The following CD207 variants were observed in gnomAD, a reference collection of about 807,000 sequenced individuals.
The protein encoded by CD207 is C-type lectin domain family 4 member K.
A neutral mutation model predicts 31.6 loss-of-function variants in CD207; 28 were observed. The ratio of observed to expected loss-of-function variants is 0.89; its 90% CI spans 0.66 to 1.21. The LOEUF (loss-of-function observed/expected upper bound fraction) is 1.21, where lower values mean the gene tolerates loss of function less well. Ranked by LOEUF, CD207 falls within the 50% of genes most tolerant of loss-of-function variation. The probability of loss-of-function intolerance (pLI) is 0.00; values close to 1 mark genes in which losing one functional copy is unlikely to be tolerated. For missense variants in CD207, 388 were observed against 397.8 expected (o/e 0.98, Z 0.21); for synonymous variants, 168 against 153.9 (o/e 1.09, Z -0.68).
At position 70,830,795 on chromosome 2, in the gene CD207, G is replaced by C. The variant is rs1035039508; in HGVS notation, c.*255C>G. 1 of 417,954 alleles carries C rather than the reference G, an allele frequency of 2.4e-6. No homozygotes were observed. Among genetic ancestry groups the C allele is most frequent in the African/African-American group, 2.0e-5 (1 of 50,250 alleles). 25.9% of individuals were successfully genotyped at this position (417,954 alleles called of 1,614,324 possible). ...TACGGGTCTTGATCCTCCTTAGCAGGGCAATTGGAACTTCTAAATCCTCTC... is the reference window on the plus strand; with the variant it reads ...TACGGGTCTTGATCCTCCTTAGCAGCGCAATTGGAACTTCTAAATCCTCTC... On this transcript the variant is annotated 3_prime_UTR_variant, in exon 6 of 6. Transcript: ENST00000410009.
chr2:70,831,529 C>T (rs1173146857), intron 5 of CD207, among the ~76,000 whole-genome samples, 172 bp downstream of exon 5: 3 of 152,320 alleles, frequency 2.0e-5, no homozygotes, highest in Middle Eastern at 3.4e-3. Context: ...GGCTCAGGTC[C>T]ACAGCCAGTT....
intron 2 of CD207, among the ~76,000 whole-genome samples, chr2:70,834,496 C>A (rs1207914798): frequency 6.6e-6 from 1 of 152,126 alleles, no homozygotes. Flanking sequence ...TGTCCATGGG[C>A]CCCTCTGTGA....
chr2:70,825,679 C>T (rs1472364103), downstream of CD207, among the ~76,000 whole-genome samples: 5 of 151,966 alleles, frequency 3.3e-5, no homozygotes, highest in Admixed American at 1.3e-4. Flanking sequence ...GCTGGGACTA[C>T]AGGCACACGC....
At chr2:70,826,877 A>G (rs1472439562), downstream of CD207, among the ~76,000 whole-genome samples, 1 of 152,240 alleles carries the variant, frequency 6.6e-6, no homozygotes, top group Admixed American at 6.5e-5. Flanking sequence ...TTTCAAATGT[A>G]ACAAATCATT....
At chr2:70,832,865 GC>G in intron 4 of CD207, 34 bp downstream of exon 4, 21 of 1,582,932 alleles carry the variant, frequency 1.3e-5, no homozygotes, top group Non-Finnish European at 1.8e-5. Context: ...GTGCTCATAC[GC>G]CCCCTTCACA....
At chr2:70,832,466 T>C (rs1553399976) in intron 4 of CD207, among the ~76,000 whole-genome samples, 1 of 152,232 alleles carries the variant, frequency 6.6e-6, no homozygotes, top group Non-Finnish European at 1.5e-5. Context: ...AATATTTCTT[T>C]TTTTCTGGGC....
chr2:70,835,465 C>T, intron 2 of CD207, 26 bp downstream of exon 2: 2 of 1,555,332 alleles, frequency 1.3e-6, no homozygotes, highest in Non-Finnish European at 1.8e-6. Flanking sequence ...GGGGCTAAGC[C>T]CAGACGATGA....
chr2:70,834,620 C>G (rs907465915), intron 2 of CD207, among the ~76,000 whole-genome samples: 4 of 152,192 alleles, frequency 2.6e-5, no homozygotes, highest in African/African-American at 9.7e-5. Flanking sequence ...ACATTCTGCT[C>G]AGGTCCCAGG....
In CD207 at chr2:70,831,095, C is replaced by T. The variant is rs2080390; in HGVS notation, c.942G>A (p.Thr314=). The T allele has an allele frequency of 0.24, 383,601 of 1,612,600 alleles. 48,170 individuals are homozygous for T. Among genetic ancestry groups the T allele is most frequent in the Admixed American group, 0.26 (15,762 of 59,920 alleles). The change falls in exon 6 of 6, where the codon ACG becomes ACA. Residue 314 remains threonine (T), a synonymous_variant. Transcript: ENST00000410009. ...AGGGTCGCTTACAAATGAAAAGAAA[C>T]GTTTTGTCACATGGGGCATCATTCC... is the stretch of plus-strand genomic sequence containing the variant. ...QAWNDAPCDK[T]FLFICKRPYV...
Position 70,830,602 on chromosome 2 carries a change from A to G in CD207, c.*448T>C, listed in dbSNP as rs1553399510. 1 of 156,104 alleles carries G rather than the reference A, an allele frequency of 6.4e-6. No individual in the cohort carries two copies. The highest frequency in any genetic ancestry group is 2.4e-5 in the African/African-American group (1 of 41,540). 9.7% of individuals were successfully genotyped at this position (156,104 alleles called of 1,614,324 possible). A position where few individuals can be genotyped will look rare whatever the true frequency, so the allele number is the denominator to read the frequency against. ...TGCACTGCAAACACAGCCAGCTGCT[A>G]GCTGCCAGCACAGCTAAGCAGAGAC... On this transcript the variant is annotated 3_prime_UTR_variant, in exon 6 of 6. Transcript: ENST00000410009.
At chr2:70,828,234 G>C (rs376872821), downstream of CD207, among the ~76,000 whole-genome samples, 7 of 152,164 alleles carry the variant, frequency 4.6e-5, no homozygotes, top group South Asian at 4.1e-4. Context: ...GGACTTCCTG[G>C]GCGAGGCCAC....
downstream of CD207, among the ~76,000 whole-genome samples, chr2:70,826,786 A>G (rs1677356411): frequency 1.3e-5 from 2 of 152,262 alleles, no homozygotes; most frequent in Non-Finnish European, 2.9e-5. Context: ...AGGAAGAACC[A>G]CAAGAGTGTG....
rs1474825109 is a variant in CD207 at position 70,830,990 on chromosome 2, G to C, written c.*60C>G. 20 of 1,485,818 alleles carry C rather than the reference G, an allele frequency of 1.3e-5. No homozygotes were observed. The highest frequency in any genetic ancestry group is 1.7e-5 in the Non-Finnish European group (19 of 1,086,350). 92.0% of individuals were successfully genotyped at this position (1,485,818 alleles called of 1,614,324 possible). A position where few individuals can be genotyped will look rare whatever the true frequency, so the allele number is the denominator to read the frequency against. ...ATCCTGGAGTCTGGGGAAGAAAGAG[G>C]CATTTCCTCATGTTTAACAAGCGTT... On this transcript the variant is annotated 3_prime_UTR_variant, in exon 6 of 6. Coordinates refer to ENST00000410009, the MANE Select transcript of CD207 (RefSeq NM_015717.5).
At position 70,835,724 on chromosome 2, in the gene CD207, T is replaced by C. The variant is rs1553400935; in HGVS notation, c.53A>G (p.Asn18Ser). The change falls in exon 1 of 6, where the codon AAC becomes AGC. Residue 18 changes from asparagine to serine, a missense_variant. Coordinates refer to ENST00000410009, the MANE Select transcript of CD207 (RefSeq NM_015717.5). Reference protein sequence around the residue: ...PDAHFTVDKQNISLWPREPPP... With the variant: ...PDAHFTVDKQSISLWPREPPP... ...CTTGCCTCGGGGCCAGAGGGAGATG[T>C]TCTGTTTGTCCACAGTGAAGTGCGC... 4.3e-6 allele frequency: 7 copies of C among 1,613,270 alleles called. No individual in the cohort carries two copies. The highest frequency in any genetic ancestry group is 1.7e-5 in the Admixed American group (1 of 59,898).
At chr2:70,828,856 G>A (rs1677404941), downstream of CD207, among the ~76,000 whole-genome samples, 1 of 152,014 alleles carries the variant, frequency 6.6e-6, no homozygotes, top group African/African-American at 2.4e-5. Flanking sequence ...AGTAGAGATG[G>A]GGTTTCACCA....
At position 70,833,963 on chromosome 2, in the gene CD207, C is replaced by T. The variant is rs1553400453; in HGVS notation, c.248G>A (p.Gly83Asp). 4 of 1,541,820 alleles carry T rather than the reference C, an allele frequency of 2.6e-6. No individual in the cohort carries two copies. Among genetic ancestry groups the T allele is most frequent in the Non-Finnish European group, 3.5e-6 (4 of 1,145,458 alleles). ...CAGGGTGCTGATGTTGTCCACACGA[C>T]CTTTCAGCAACTGGACATTGGTCTT... ...DVKTNVQLLKGRVDNISTLDS... is the reference protein window; with the variant it reads ...DVKTNVQLLKDRVDNISTLDS... The change falls in exon 3 of 6, where the codon GGT (glycine) becomes GAT (aspartate). Residue 83 changes from glycine (G) to aspartate (D), a missense_variant. Gly to Asp is a moderately conservative substitution (Grantham distance 94). Transcript: ENST00000410009.
In CD207 at chr2:70,833,975, T is replaced by C. The variant is rs199819493; in HGVS notation, c.236A>G (p.Gln79Arg). The change falls in exon 3 of 6, where the codon CAG (glutamine) becomes CGG (arginine). Residue 79 changes from glutamine (Q) to arginine (R), a missense_variant. Coordinates refer to ENST00000410009, the MANE Select transcript of CD207 (RefSeq NM_015717.5). ...GTISDVKTNVQLLKGRVDNIS... is the reference protein window; with the variant it reads ...GTISDVKTNVRLLKGRVDNIS... ...GTTGTCCACACGACCTTTCAGCAAC[T>C]GGACATTGGTCTTTACATCTGATAT... 9.0e-5 allele frequency: 138 copies of C among 1,533,756 alleles called. No individual in the cohort carries two copies. The highest frequency in any genetic ancestry group is 1.0e-4 in the Admixed American group (5 of 48,770).
chr2:70,829,506 A>C (rs1677417857), downstream of CD207, among the ~76,000 whole-genome samples: 1 of 152,194 alleles, frequency 6.6e-6, no homozygotes. Context: ...AGGCTGGCAG[A>C]GAAGTGAAAC....
downstream of CD207, among the ~76,000 whole-genome samples, chr2:70,827,434 T>C (rs1437263153): frequency 6.6e-6 from 1 of 151,998 alleles, no homozygotes; most frequent in Non-Finnish European, 1.5e-5. Flanking sequence ...GGGCCTGAAA[T>C]CTGTGAGGGA....
Sources: gnomAD v4.1 joint callset for allele counts (sites outside exome capture counted in the v4.1 genomes callset) on GRCh38, gnomAD v4.1.1 for gene constraint, MANE v1.5 for transcripts, NCBI Gene and HGNC (gene_info 2026-07-23, HGNC 2026-07-21) for gene names.